The following ANKRD31 variants were observed in gnomAD, a reference collection of about 807,000 sequenced individuals.
ANKRD31 encodes ankyrin repeat domain 31.
A neutral mutation model predicts 186.0 loss-of-function variants in ANKRD31; 147 were observed. The ratio of observed to expected loss-of-function variants is 0.79; its 90% CI spans 0.69 to 0.91. ANKRD31 has a LOEUF of 0.91. Ranked by LOEUF, ANKRD31 falls within the 40% of genes least tolerant of loss-of-function variation. ANKRD31 has a pLI of 0.00. For synonymous variants in ANKRD31, 673 were observed against 736.4 expected (o/e 0.91, Z 1.39); for missense variants, 1,986 against 2,148.8 (o/e 0.92, Z 1.50).
intron 10 of ANKRD31, among the ~76,000 whole-genome samples, chr5:75,187,315 T>C (rs1754806459): frequency 1.3e-5 from 2 of 151,710 alleles, no homozygotes. Flanking sequence ...AGAGAACAAG[T>C]GAGTTCAAAA....
intron 13 of ANKRD31, 37 bp downstream of exon 13, chr5:75,148,539 T>C: frequency 7.3e-7 from 1 of 1,373,336 alleles, no homozygotes; most frequent in Non-Finnish European, 9.8e-7. Context: ...AGAAGTTACA[T>C]CCCTATAAAA....
chr5:75,218,835 T>C (rs996653413), intron 3 of ANKRD31, among the ~76,000 whole-genome samples: 1 of 152,060 alleles, frequency 6.6e-6, no homozygotes, highest in African/African-American at 2.4e-5. Context: ...TTCAAACATA[T>C]TCAAATCAAT....
chr5:75,175,027 C>T (rs1214140609), intron 10 of ANKRD31, among the ~76,000 whole-genome samples: 2 of 152,174 alleles, frequency 1.3e-5, no homozygotes, highest in African/African-American at 4.8e-5. Flanking sequence ...GGCACATATA[C>T]ACCATGGAAT....
intron 22 of ANKRD31, among the ~76,000 whole-genome samples, chr5:75,102,095 T>C (rs945218302): frequency 2.0e-5 from 3 of 152,202 alleles, no homozygotes; most frequent in African/African-American, 7.2e-5. Flanking sequence ...GATGGTGACA[T>C]ACAGATGGGG....
chr5:75,235,894 G>T (rs1400296024), intron 1 of ANKRD31, among the ~76,000 whole-genome samples: 3 of 151,072 alleles, frequency 2.0e-5, no homozygotes, highest in Non-Finnish European at 4.4e-5. Context: ...ATATGAACTG[G>T]CAAGTGGGTA....
rs1751410258 is a variant in ANKRD31 at position 75,146,071 on chromosome 5, G to A, written c.3340C>T (p.His1114Tyr). The change falls in exon 14 of 26, where the codon CAT becomes TAT. Residue 1114 changes from histidine (H) to tyrosine (Y), a missense_variant. His to Tyr is a moderately conservative substitution (Grantham distance 83, BLOSUM62 2). Coordinates refer to ENST00000506364, the MANE Select transcript of ANKRD31 (RefSeq NM_001372053.1). ...ESETIHNIDS[H>Y]STDNMSKELA... ...TCTTTACTCATATTGTCAGTGGAAT[G>A]AGAATCTATATTGTGTATAGTCTCA... The A allele has an allele frequency of 1.3e-6, 2 of 1,529,424 alleles. No homozygotes were observed. The highest frequency in any genetic ancestry group is 2.0e-5 in the Admixed American group (1 of 49,026). The allele number at this position is 1,529,424 out of a possible 1,614,324, so 94.7% of individuals were successfully genotyped here. A position where few individuals can be genotyped will look rare whatever the true frequency, so the allele number is the denominator to read the frequency against.
chr5:75,109,669 C>T (rs762432286), intron 20 of ANKRD31, among the ~76,000 whole-genome samples: 3 of 152,080 alleles, frequency 2.0e-5, no homozygotes, highest in Non-Finnish European at 4.4e-5. Context: ...CACAGCAGGG[C>T]CAAAAGAAAG....
At chr5:75,124,824 G>T (rs1230408326) in intron 17 of ANKRD31, among the ~76,000 whole-genome samples, 1 of 152,082 alleles carries the variant, frequency 6.6e-6, no homozygotes, top group Non-Finnish European at 1.5e-5. Flanking sequence ...GAAGGGTAGG[G>T]GGTGGGAGGG....
At chr5:75,232,942 A>C (rs1419440033) in intron 1 of ANKRD31, among the ~76,000 whole-genome samples, 1 of 152,212 alleles carries the variant, frequency 6.6e-6, no homozygotes, top group African/African-American at 2.4e-5. Flanking sequence ...TCTTGTTAAA[A>C]TAATTCTTGT....
intron 10 of ANKRD31, among the ~76,000 whole-genome samples, chr5:75,179,925 A>T (rs1218178620): frequency 6.6e-6 from 1 of 152,184 alleles, no homozygotes; most frequent in Non-Finnish European, 1.5e-5. Flanking sequence ...TTCAATTAGG[A>T]AAAGAAGAAG....
At chr5:75,217,430 C>G (rs1757026948) in intron 3 of ANKRD31, among the ~76,000 whole-genome samples, 2 of 152,082 alleles carry the variant, frequency 1.3e-5, no homozygotes, top group African/African-American at 4.8e-5. Context: ...AGATTTAGGA[C>G]AGTTAAGTCT....
intron 21 of ANKRD31, among the ~76,000 whole-genome samples, chr5:75,105,722 A>G (rs1205894315): frequency 6.6e-6 from 1 of 152,174 alleles, no homozygotes; most frequent in Non-Finnish European, 1.5e-5. Context: ...GTGAATAATC[A>G]TACTTCAGCT....
In ANKRD31 at chr5:75,070,630, T is replaced by C. The variant is rs1001742473; in HGVS notation, c.5648-1966A>G. Among the ~76,000 whole-genome samples, 5 of 152,254 alleles carry C rather than the reference T, an allele frequency of 3.3e-5. No homozygotes were observed. The East Asian group carries it at 9.6e-4, about 29-fold the overall frequency. On this transcript the variant is annotated intron_variant, in intron 25 of 25. Coordinates refer to ENST00000506364, the MANE Select transcript of ANKRD31 (RefSeq NM_001372053.1). ...ACAGTACCTGTTCTTTTCTTCCACA[T>C]CTTTGCCAATACTGAATATTATCAG...
At chr5:75,195,101 T>TA (rs1755376378) in intron 7 of ANKRD31, among the ~76,000 whole-genome samples, 1 of 152,140 alleles carries the variant, frequency 6.6e-6, no homozygotes, top group African/African-American at 2.4e-5. Flanking sequence ...CCAAGAGCTA[T>TA]GCCACCTGAT....
At chr5:75,122,820 C>T (rs759588671) in intron 17 of ANKRD31, among the ~76,000 whole-genome samples, 33 of 151,996 alleles carry the variant, frequency 2.2e-4, no homozygotes, top group South Asian at 6.2e-4. Flanking sequence ...AAACTTATGG[C>T]CAATATCATA....
At chr5:75,159,524 A>G (rs1300250355) in intron 11 of ANKRD31, among the ~76,000 whole-genome samples, 1 of 152,080 alleles carries the variant, frequency 6.6e-6, no homozygotes, top group Non-Finnish European at 1.5e-5. Flanking sequence ...ACCCCAATAA[A>G]ATTAGTATCT....
chr5:75,151,007 T>C (rs895027594), intron 12 of ANKRD31, among the ~76,000 whole-genome samples: 18 of 151,992 alleles, frequency 1.2e-4, no homozygotes, highest in African/African-American at 4.1e-4. Flanking sequence ...CATTAATTAA[T>C]TACCTCCTGG....
chr5:75,120,915 T>C (rs1219565822), intron 17 of ANKRD31, among the ~76,000 whole-genome samples: 4 of 152,198 alleles, frequency 2.6e-5, no homozygotes. Context: ...AAGGGTGCGG[T>C]GGCTCACGCC....
intron 2 of ANKRD31, 112 bp downstream of exon 2, chr5:75,230,450 C>T: frequency 1.3e-6 from 1 of 761,514 alleles, no homozygotes; most frequent in Non-Finnish European, 2.0e-6. Context: ...AAATTGGTTT[C>T]CTTATAATTC....
Sources: allele counts gnomAD v4.1 joint callset (sites outside exome capture counted in the v4.1 genomes callset), GRCh38; gene constraint gnomAD v4.1.1; transcripts MANE v1.5; gene names NCBI Gene and HGNC (gene_info 2026-07-23, HGNC 2026-07-21).